TMEM132D: variants seen among roughly 807,000 people sequenced by gnomAD.
TMEM132D encodes the protein mature OL transmembrane protein.
TMEM132D carries 21 observed loss-of-function variants against 62.3 expected under a neutral mutation model. The observed-to-expected ratio is 0.34, with a 90% CI of 0.24 to 0.49. The LOEUF (loss-of-function observed/expected upper bound fraction) is 0.49. Among genes scored for constraint, TMEM132D ranks in the 20% least tolerant of loss-of-function variants. TMEM132D has a pLI of 0.99. For missense variants in TMEM132D, 1,346 were observed against 1,402.8 expected, an observed-to-expected ratio of 0.96 and a Z score of 0.65; for synonymous variants, 621 against 575.6, an observed-to-expected ratio of 1.08 and a Z score of -1.13.
chr12:129,234,844 TTTTGATAAGG>T (rs1405408025), intron 4 of TMEM132D, among the ~76,000 whole-genome samples: 4 of 152,190 alleles, frequency 2.6e-5, no homozygotes, highest in Non-Finnish European at 5.9e-5. Flanking sequence ...CTTAAAAGTA[TTTTGATAAGG>T]ATAGATGTAT....
At chr12:129,873,050 AGCAAGTCACGCGCC>A (rs1874305173) in intron 1 of TMEM132D, among the ~76,000 whole-genome samples, 1 of 152,230 alleles carries the variant, frequency 6.6e-6, no homozygotes, top group Admixed American at 6.5e-5. Flanking sequence ...AAAGACCCTG[AGCAAGTCACGCGCC>A]TGGAGTCTGA....
In TMEM132D at chr12:129,739,125, G is replaced by T. The variant is rs143540974; in HGVS notation, c.80-38427C>A. On this transcript the variant is annotated intron_variant, in intron 1 of 8. Transcript: ENST00000422113. Reference sequence around the variant, plus strand: ...AGGAACAGGACTGGCCTCTGCCCTAGCCCAGCTCACTCTTAGGCGGTATAG... The same window carrying T: ...AGGAACAGGACTGGCCTCTGCCCTATCCCAGCTCACTCTTAGGCGGTATAG... 2.6e-5 allele frequency among the ~76,000 whole-genome samples: 4 copies of T among 152,194 alleles called. No homozygotes were observed. In the East Asian group the frequency reaches 7.7e-4, roughly 29 times the overall value.
rs373995198 is a variant in TMEM132D, at chr12:129,117,809, C to T, written c.1444-33107G>A. On this transcript the variant is annotated intron_variant, in intron 5 of 8. Transcript: ENST00000422113. ...ATTCACAAAGCTTTGTCATATTTTACGAATGTTTCATATTTGCTTTTAAAG... is the reference window on the plus strand; with the variant it reads ...ATTCACAAAGCTTTGTCATATTTTATGAATGTTTCATATTTGCTTTTAAAG... Among the ~76,000 whole-genome samples, 197 of 152,210 alleles carry T rather than the reference C, an allele frequency of 1.3e-3. 5 individuals are homozygous for T. In the South Asian group the frequency reaches 0.038, roughly 30 times the overall value.
intron 1 of TMEM132D, among the ~76,000 whole-genome samples, chr12:129,734,195 C>G (rs745967843): frequency 2.8e-4 from 42 of 152,278 alleles, no homozygotes; most frequent in Non-Finnish European, 5.3e-4. Flanking sequence ...CTTGCCCATG[C>G]CAATCATTCT....
rs753458961 is a variant in TMEM132D, at chr12:129,655,609, G to C, written c.968+44201C>G. Among the ~76,000 whole-genome samples the C allele has an allele frequency of 4.6e-5, 7 of 151,786 alleles. No individual in the cohort carries two copies. In the East Asian group the frequency reaches 1.4e-3, roughly 30 times the overall value. On this transcript the variant is annotated intron_variant, in intron 2 of 8. Coordinates refer to ENST00000422113, the MANE Select transcript of TMEM132D (RefSeq NM_133448.3). ...TGCAGGGGAGTGCAGGGGACTCTGG[G>C]ATTTCACACTTCACCTAAGGCCACC...
At chr12:129,690,279 G>A (rs1044746963) in intron 2 of TMEM132D, among the ~76,000 whole-genome samples, 2 of 151,982 alleles carry the variant, frequency 1.3e-5, no homozygotes, top group African/African-American at 4.8e-5. Flanking sequence ...GGCAGAAAAA[G>A]GGGCAGATAC....
intron 2 of TMEM132D, among the ~76,000 whole-genome samples, chr12:129,617,151 T>C (rs2137156428): frequency 6.6e-6 from 1 of 152,214 alleles, no homozygotes; most frequent in East Asian, 1.9e-4. Context: ...ATCCCATGGG[T>C]GTGAGTGAAG....
intron 4 of TMEM132D, among the ~76,000 whole-genome samples, chr12:129,318,536 C>T (rs11060246): frequency 6.6e-6 from 1 of 152,260 alleles, no homozygotes; most frequent in East Asian, 1.9e-4. Flanking sequence ...GTGGCTGTTC[C>T]AGTGGAGGTG....
chr12:129,188,623 G>T lies in TMEM132D; in HGVS notation c.1443+20897C>A, dbSNP rs532700816. 1.1e-4 allele frequency among the ~76,000 whole-genome samples: 17 copies of T among 152,274 alleles called. No individual in the cohort carries two copies. In the South Asian group the frequency reaches 1.2e-3, roughly 11 times the overall value. On this transcript the variant is annotated intron_variant, in intron 5 of 8. Transcript: ENST00000422113. ...GGGCTTGTGGAGACACATACTAGCT[G>T]TCAGGCACAGGTGTGTCTGGAAGCA...
chr12:129,379,608 T>C (rs1322695444), intron 3 of TMEM132D, among the ~76,000 whole-genome samples: 1 of 152,218 alleles, frequency 6.6e-6, no homozygotes, highest in Non-Finnish European at 1.5e-5. Context: ...TGAGTCTGAC[T>C]GTTTTTACTG....
intron 3 of TMEM132D, among the ~76,000 whole-genome samples, chr12:129,490,593 C>G (rs1358559480): frequency 1.0e-5 from 1 of 96,198 alleles, no homozygotes; most frequent in South Asian, 4.1e-4. Flanking sequence ...CCACGCCCGG[C>G]TAATTTTTTT....
chr12:129,121,761 C>T (rs1876073038), intron 5 of TMEM132D, among the ~76,000 whole-genome samples: 2 of 152,174 alleles, frequency 1.3e-5, no homozygotes, highest in Admixed American at 1.3e-4. Context: ...TAAAGATGAT[C>T]AAAAGCCATG....
intron 2 of TMEM132D, among the ~76,000 whole-genome samples, chr12:129,536,591 T>A (rs139684472): frequency 0.013 from 2,017 of 152,334 alleles, 23 homozygotes; most frequent in Non-Finnish European, 0.021. Context: ...TCTGGACGTC[T>A]TGGCCCTGCC....
At chr12:129,200,441 C>T (rs1471350700) in intron 5 of TMEM132D, among the ~76,000 whole-genome samples, 1 of 152,136 alleles carries the variant, frequency 6.6e-6, no homozygotes, top group Non-Finnish European at 1.5e-5. Flanking sequence ...AGAACTCTTC[C>T]CTGCAGGTGA....
chr12:129,369,729 C>T (rs79063202), intron 3 of TMEM132D, among the ~76,000 whole-genome samples: 2 of 152,230 alleles, frequency 1.3e-5, no homozygotes, highest in East Asian at 1.9e-4. Flanking sequence ...ACAATTGGAT[C>T]TTTCAGCAGC....
At chr12:129,831,933 G>T (rs1424085455) in intron 1 of TMEM132D, among the ~76,000 whole-genome samples, 2 of 140,724 alleles carry the variant, frequency 1.4e-5, no homozygotes, top group African/African-American at 5.3e-5. Flanking sequence ...GCAGTAGCAC[G>T]ATCTCAGCTC....
intron 4 of TMEM132D, among the ~76,000 whole-genome samples, chr12:129,213,547 G>A (rs1338588585): frequency 1.3e-5 from 2 of 152,156 alleles, no homozygotes; most frequent in African/African-American, 2.4e-5. Context: ...GAGAGGCTGG[G>A]TAATTTATAA....
intron 4 of TMEM132D, among the ~76,000 whole-genome samples, chr12:129,230,138 C>A (rs1400119193): frequency 6.6e-6 from 1 of 152,234 alleles, no homozygotes; most frequent in African/African-American, 2.4e-5. Context: ...GACTTCATAA[C>A]CTGCTGACCA....
At position 129,277,176 on chromosome 12, in the gene TMEM132D, T is replaced by C. The variant is rs1304399610; in HGVS notation, c.1299+60458A>G. Among the ~76,000 whole-genome samples the C allele has an allele frequency of 6.6e-6, 1 of 152,206 alleles. No individual in the cohort carries two copies. Among genetic ancestry groups the C allele is most frequent in the Non-Finnish European group, 1.5e-5 (1 of 68,044 alleles). On this transcript the variant is annotated intron_variant, in intron 4 of 8. Transcript: ENST00000422113. The surrounding 1 kb of genome is among the most constrained non-coding windows in gnomAD (Gnocchi z 4.2). ...CAGTGGGTGTGTGGAGAACAAAAACTATGGAAACAAGCCTGGCTTTTTCCT... is the reference window on the plus strand; with the variant it reads ...CAGTGGGTGTGTGGAGAACAAAAACCATGGAAACAAGCCTGGCTTTTTCCT...
Sources: allele counts gnomAD v4.1 joint callset (sites outside exome capture counted in the v4.1 genomes callset), GRCh38; gene constraint gnomAD v4.1.1; non-coding constraint Gnocchi (gnomAD v3.1); transcripts MANE v1.5; gene names NCBI Gene and HGNC (gene_info 2026-07-23, HGNC 2026-07-21).